The following CNTLN variants were observed in gnomAD, a reference collection of about 807,000 sequenced individuals.
CNTLN encodes centlein, centrosomal protein.
In CNTLN, 212 loss-of-function variants were observed where a neutral mutation model predicts 180.0. The observed-to-expected ratio is 1.18, with a 90% CI of 1.05 to 1.32. CNTLN has a LOEUF of 1.32. CNTLN is among the 40% of genes most tolerant of loss of function. The pLI, the probability that CNTLN is intolerant of heterozygous loss-of-function variation, is 0.00. For missense variants in CNTLN, 2,095 were observed against 1,610.9 expected (o/e 1.30, Z -5.14); for synonymous variants, 722 against 563.1 (o/e 1.28, Z -3.99).
At chr9:17,268,090 C>T (rs1045133620) in intron 5 of CNTLN, among the ~76,000 whole-genome samples, 1 of 152,100 alleles carries the variant, frequency 6.6e-6, no homozygotes, top group African/African-American at 2.4e-5. Context: ...GGAGCTCTGT[C>T]CTTTGGAGGA....
intron 8 of CNTLN, among the ~76,000 whole-genome samples, chr9:17,317,150 A>G (rs1819594214): frequency 6.6e-6 from 1 of 151,960 alleles, no homozygotes; most frequent in Non-Finnish European, 1.5e-5. Context: ...TGTATATGTC[A>G]TACATATGTG....
intron 10 of CNTLN, among the ~76,000 whole-genome samples, chr9:17,333,270 T>G (rs1820764696): frequency 6.6e-6 from 1 of 152,154 alleles, no homozygotes; most frequent in Admixed American, 6.6e-5. Context: ...TCGACCAGTC[T>G]TTGAGAGCTT....
chr9:17,271,194 G>C (rs1395059141), intron 5 of CNTLN, among the ~76,000 whole-genome samples: 1 of 152,054 alleles, frequency 6.6e-6, no homozygotes, highest in Non-Finnish European at 1.5e-5. Flanking sequence ...GCCCACCTCA[G>C]CCTCCCAAAG....
chr9:17,255,537 T>G (rs1400205484), intron 5 of CNTLN, among the ~76,000 whole-genome samples: 1 of 151,880 alleles, frequency 6.6e-6, no homozygotes, highest in Non-Finnish European at 1.5e-5. Context: ...AAGGCATAAA[T>G]TCCACTTGGT....
intron 18 of CNTLN, among the ~76,000 whole-genome samples, chr9:17,420,851 A>G (rs1387367590): frequency 6.6e-6 from 1 of 152,102 alleles, no homozygotes; most frequent in African/African-American, 2.4e-5. Flanking sequence ...TGTAATTTCC[A>G]TGTGTTTCTA....
At chr9:17,362,312 C>T (rs1267704495) in intron 12 of CNTLN, among the ~76,000 whole-genome samples, 1 of 152,008 alleles carries the variant, frequency 6.6e-6, no homozygotes, top group Non-Finnish European at 1.5e-5. Flanking sequence ...AATCAGGAAC[C>T]TAATCCAAGC....
downstream of CNTLN, among the ~76,000 whole-genome samples, chr9:17,504,376 G>T (rs994713011): frequency 2.6e-5 from 4 of 152,090 alleles, no homozygotes; most frequent in Non-Finnish European, 4.4e-5. Context: ...CATTACGACA[G>T]AATTTTATTA....
intron 8 of CNTLN, among the ~76,000 whole-genome samples, chr9:17,310,999 G>A (rs1930646): frequency 0.78 from 118,993 of 151,682 alleles, 47,755 homozygotes; most frequent in Non-Finnish European, 0.87. Context: ...TTTCTTCAAG[G>A]TGTCATTTGA....
At chr9:17,392,054 A>T (rs923381408) in intron 14 of CNTLN, among the ~76,000 whole-genome samples, 8 of 151,630 alleles carry the variant, frequency 5.3e-5, no homozygotes, top group African/African-American at 1.9e-4. Flanking sequence ...GTCACTGTTT[A>T]AAGAAAAAAT....
chr9:17,279,840 T>TTGGG, intron 6 of CNTLN, among the ~76,000 whole-genome samples: 1 of 151,970 alleles, frequency 6.6e-6, no homozygotes, highest in South Asian at 2.1e-4. Context: ...GGGCTCTGCC[T>TTGGG]TCATGAATGA....
chr9:17,170,677 C>G (rs1468701589), intron 2 of CNTLN, among the ~76,000 whole-genome samples: 1 of 151,162 alleles, frequency 6.6e-6, no homozygotes, highest in Non-Finnish European at 1.5e-5. Flanking sequence ...TGTCTGTTTT[C>G]ATTCTTTTGT....
rs768242031 is a variant in CNTLN, at chr9:17,148,868, C to T, written c.449+5492C>T. On this transcript the variant is annotated intron_variant, in intron 2 of 25. Coordinates refer to ENST00000380647, the MANE Select transcript of CNTLN (RefSeq NM_017738.4). ...TAAGTTCTGGGTTACATGGGCAGAA[C>T]GTGCAGTTTGTTATGTAGGTATACA... Among the ~76,000 whole-genome samples the T allele has an allele frequency of 1.4e-4, 21 of 152,204 alleles. 1 individual carries two copies. The highest frequency in any genetic ancestry group is 1.2e-3 in the East Asian group (6 of 5,182).
intron 14 of CNTLN, among the ~76,000 whole-genome samples, chr9:17,391,059 G>T (rs190698920): frequency 1.3e-5 from 2 of 152,138 alleles, no homozygotes; most frequent in South Asian, 4.1e-4. Flanking sequence ...GCCACAGGAC[G>T]CTTCAAAAAC....
At chr9:17,345,821 A>C (rs1231018895) in intron 12 of CNTLN, among the ~76,000 whole-genome samples, 1 of 152,138 alleles carries the variant, frequency 6.6e-6, no homozygotes, top group Non-Finnish European at 1.5e-5. Context: ...TAAATAATTT[A>C]TGTATGGGTA....
At chr9:17,516,086 G>A in the CNTLN span, among the ~76,000 whole-genome samples, 1 of 152,146 alleles carries the variant, frequency 6.6e-6, no homozygotes, top group East Asian at 1.9e-4. Context: ...CTGGAATTCT[G>A]TCTCCCTGGC....
intron 12 of CNTLN, among the ~76,000 whole-genome samples, chr9:17,355,925 G>T (rs1386115490): frequency 6.6e-6 from 1 of 151,950 alleles, no homozygotes; most frequent in Non-Finnish European, 1.5e-5. Flanking sequence ...TTAGCCAGGT[G>T]TGGTGGCGGG....
rs980120263 is a variant in CNTLN at position 17,475,482 on chromosome 9, C to G, written c.3855+8591C>G. On this transcript the variant is annotated intron_variant, in intron 23 of 25. Transcript: ENST00000380647. ...AAGAAATAAAGAAAGCTCCATCAAT[C>G]TAACACAAGCCGGGAAATAAAAAAG... Among the ~76,000 whole-genome samples the G allele has an allele frequency of 3.4e-5, 5 of 147,144 alleles. No individual in the cohort carries two copies. In the South Asian group the frequency reaches 8.9e-4, roughly 26 times the overall value.
intron 5 of CNTLN, among the ~76,000 whole-genome samples, chr9:17,257,201 C>A (rs1024971887): frequency 6.6e-6 from 1 of 151,816 alleles, no homozygotes; most frequent in African/African-American, 2.4e-5. Context: ...TGTTCAATTC[C>A]CACCTATGAG....
intron 8 of CNTLN, among the ~76,000 whole-genome samples, chr9:17,320,083 G>A (rs944980543): frequency 6.6e-6 from 1 of 152,154 alleles, no homozygotes; most frequent in East Asian, 1.9e-4. Flanking sequence ...AGAAAGCCAG[G>A]GTTTACTATA....
Sources: gnomAD v4.1 joint callset for allele counts (sites outside exome capture counted in the v4.1 genomes callset) on GRCh38, gnomAD v4.1.1 for gene constraint, MANE v1.5 for transcripts, NCBI Gene and HGNC (gene_info 2026-07-23, HGNC 2026-07-21) for gene names.